Variants in ZNF536 observed in about 807,000 individuals in gnomAD.
ZNF536 encodes the protein zinc finger protein 536.
In ZNF536, 13 loss-of-function variants were observed where a neutral mutation model predicts 84.5. The ratio of observed to expected loss-of-function variants is 0.15; its 90% CI spans 0.10 to 0.24. ZNF536 has a LOEUF of 0.24. Among genes scored for constraint, ZNF536 ranks in the 10% least tolerant of loss-of-function variants. The pLI, the probability that ZNF536 is intolerant of heterozygous loss-of-function variation, is 1.00. For synonymous variants in ZNF536, 811 were observed against 742.5 expected (o/e 1.09, Z -1.50); for missense variants, 1,536 against 1,747.5 (o/e 0.88, Z 2.16).
chr19:30,341,690 G>A (rs2047569873), intron 2 of ZNF536, among the ~76,000 whole-genome samples: 1 of 151,980 alleles, frequency 6.6e-6, no homozygotes, highest in Non-Finnish European at 1.5e-5. Context: ...TTTATGCAGA[G>A]CTGGGATTTG....
intron 2 of ZNF536, among the ~76,000 whole-genome samples, chr19:30,286,037 G>A (rs904835424): frequency 6.6e-6 from 1 of 152,088 alleles, no homozygotes; most frequent in Non-Finnish European, 1.5e-5. Flanking sequence ...ACGACGCAGG[G>A]CATCCTTTCC....
chr19:30,535,544 CAA>C (rs946565033), intron 3 of ZNF536, among the ~76,000 whole-genome samples: 2 of 152,094 alleles, frequency 1.3e-5, no homozygotes, highest in African/African-American at 4.8e-5. Flanking sequence ...TGTATCTCCT[CAA>C]AGAAGAAATT....
At chr19:30,315,974 C>T (rs2046665067) in intron 2 of ZNF536, among the ~76,000 whole-genome samples, 1 of 152,062 alleles carries the variant, frequency 6.6e-6, no homozygotes, top group Non-Finnish European at 1.5e-5. Flanking sequence ...CATTTTTTAA[C>T]TTCTGTGTAA....
chr19:30,576,385 C>T (rs1342799507), intron 1 of ZNF536, among the ~76,000 whole-genome samples: 7 of 152,202 alleles, frequency 4.6e-5, no homozygotes, highest in Non-Finnish European at 1.0e-4. Flanking sequence ...CCACTGCTAT[C>T]TCAAGCCCCA....
chr19:30,370,042 C>T (rs368767121), upstream of ZNF536, among the ~76,000 whole-genome samples: 7 of 152,140 alleles, frequency 4.6e-5, no homozygotes, highest in Admixed American at 2.0e-4. Context: ...CTTGGTTATA[C>T]GCAGTTTGGG....
At chr19:30,395,129 C>A (rs1467682007) in intron 1 of ZNF536, among the ~76,000 whole-genome samples, 1 of 152,164 alleles carries the variant, frequency 6.6e-6, no homozygotes, top group Non-Finnish European at 1.5e-5. Flanking sequence ...AGGGACAATG[C>A]TTAGATTAAT....
At chr19:30,419,033 A>G (rs2050847794) in intron 1 of ZNF536, among the ~76,000 whole-genome samples, 1 of 152,242 alleles carries the variant, frequency 6.6e-6, no homozygotes, top group East Asian at 1.9e-4. Context: ...AATAGCATTC[A>G]GAAGAGTGTT....
At chr19:30,478,242 G>A (rs1256960073) in intron 2 of ZNF536, among the ~76,000 whole-genome samples, 2 of 151,594 alleles carry the variant, frequency 1.3e-5, no homozygotes, top group Non-Finnish European at 2.9e-5. Context: ...AGTCATTTTG[G>A]CTGATTTAAT....
In ZNF536 at chr19:30,443,753, TGGA is replaced by T. The variant is rs1163712889; in HGVS notation, c.196_198del (p.Glu66del). 1.2e-6 allele frequency: 2 copies of T among 1,612,710 alleles called. No homozygotes were observed. Among genetic ancestry groups the T allele is most frequent in the Non-Finnish European group, 1.7e-6 (2 of 1,179,598 alleles). ...CCCGAGGAGAAGCCCCCCGCATCCCTGGAGGAGAAGGCCCACGTGCCCATGAGC... is the reference window on the plus strand; with the variant it reads ...CCCGAGGAGAAGCCCCCCGCATCCCTGGAGAAGGCCCACGTGCCCATGAGC... On this transcript the variant is annotated inframe_deletion, in exon 2 of 5. Coordinates refer to ENST00000355537, the MANE Select transcript of ZNF536 (RefSeq NM_014717.3).
chr19:30,454,772 C>G (rs368846563), intron 2 of ZNF536, among the ~76,000 whole-genome samples: 31 of 152,290 alleles, frequency 2.0e-4, no homozygotes, highest in East Asian at 7.7e-4. Flanking sequence ...GTGGCTCACT[C>G]CTGTAATCCC....
chr19:30,250,757 A>G (rs2024560052), intron 1 of ZNF536, among the ~76,000 whole-genome samples: 1 of 151,792 alleles, frequency 6.6e-6, no homozygotes, highest in Admixed American at 6.6e-5. Flanking sequence ...CTCCCCCCAT[A>G]TGATTCAAAA....
chr19:30,377,391 G>C (rs895990631), intron 1 of ZNF536, among the ~76,000 whole-genome samples: 4 of 152,262 alleles, frequency 2.6e-5, no homozygotes, highest in Non-Finnish European at 4.4e-5. Context: ...ATGATGTTAC[G>C]GGAAAGAGGT....
chr19:30,326,868 G>GATCCC (rs1248184226), intron 2 of ZNF536, among the ~76,000 whole-genome samples: 1 of 128,176 alleles, frequency 7.8e-6, no homozygotes, highest in East Asian at 2.6e-4. Context: ...AGTGTTTTGG[G>GATCCC]AGGCTGAGGC....
At chr19:30,680,234 T>TTATTA (rs144804911) in intron 1 of ZNF536, among the ~76,000 whole-genome samples, 3 of 148,062 alleles carry the variant, frequency 2.0e-5, no homozygotes, top group East Asian at 2.0e-4. Context: ...ATGATTATTA[T>TTATTA]TTTTATTTTA....
At chr19:30,655,296 C>G (rs2049868114) in intron 1 of ZNF536, among the ~76,000 whole-genome samples, 1 of 152,220 alleles carries the variant, frequency 6.6e-6, no homozygotes, top group Non-Finnish European at 1.5e-5. Flanking sequence ...CTCTCTTCAT[C>G]ATCTTCTCAG....
chr19:30,457,042 A>C (rs1003858343), intron 2 of ZNF536, among the ~76,000 whole-genome samples: 70 of 29,996 alleles, frequency 2.3e-3, no homozygotes, highest in African/African-American at 5.7e-3. Context: ...ACTTCATCTC[A>C]AAAAAAAAAA....
At chr19:30,373,782 T>C (rs1319063886) in intron 1 of ZNF536, among the ~76,000 whole-genome samples, 1 of 152,146 alleles carries the variant, frequency 6.6e-6, no homozygotes, top group Non-Finnish European at 1.5e-5. Flanking sequence ...TAGCAGCACA[T>C]TGTTAACTTA....
At chr19:30,699,764 A>G (rs1411011948) in intron 1 of ZNF536, among the ~76,000 whole-genome samples, 2 of 152,120 alleles carry the variant, frequency 1.3e-5, no homozygotes, top group African/African-American at 2.4e-5. Context: ...GCATCCTCCC[A>G]TTTTGCAGCC....
chr19:30,257,150 T>TA (rs1170106310), intron 1 of ZNF536, among the ~76,000 whole-genome samples: 1 of 152,220 alleles, frequency 6.6e-6, no homozygotes, highest in Non-Finnish European at 1.5e-5. Context: ...TCCTGGCGCC[T>TA]ATTCATTGCA....
Sources: allele counts gnomAD v4.1 joint callset (sites outside exome capture counted in the v4.1 genomes callset), GRCh38; gene constraint gnomAD v4.1.1; transcripts MANE v1.5; gene names NCBI Gene and HGNC (gene_info 2026-07-23, HGNC 2026-07-21).